Variants in CTCF observed in about 807,000 individuals in gnomAD.
The protein encoded by CTCF is CCCTC-binding factor.
In CTCF, 7 loss-of-function variants were observed where a neutral mutation model predicts 72.3. That is an observed-to-expected ratio of 0.10 (90% CI 0.06 to 0.18). The LOEUF (loss-of-function observed/expected upper bound fraction) is 0.18, where lower values mean the gene tolerates loss of function less well. Ranked by LOEUF, CTCF falls within the 10% of genes least tolerant of loss-of-function variation. CTCF has a pLI of 1.00. For missense variants in CTCF, 516 were observed against 949.1 expected, an observed-to-expected ratio of 0.54 and a Z score of 6.00; for synonymous variants, 374 against 315.8, an observed-to-expected ratio of 1.18 and a Z score of -1.95.
rs1218351487 is a variant in CTCF, at chr16:67,638,289, G to GT, written c.*423dup. 8 of 235,446 alleles carry GT rather than the reference G, an allele frequency of 3.4e-5. No individual in the cohort carries two copies. Among genetic ancestry groups the GT allele is most frequent in the Non-Finnish European group, 6.7e-5 (8 of 119,988 alleles). The allele number at this position is 235,446 out of a possible 1,614,324, so 14.6% of individuals were successfully genotyped here. A position where few individuals can be genotyped will look rare whatever the true frequency, so the allele number is the denominator to read the frequency against. ...TGGGAAGGACTTAGAGTTTTAAACT[G>GT]TTTTTTGCTTTTGCTTTTCCCTGAC... On this transcript the variant is annotated 3_prime_UTR_variant, in exon 12 of 12. Coordinates refer to ENST00000264010, the MANE Select transcript of CTCF (RefSeq NM_006565.4).
At position 67,612,234 on chromosome 16, in the gene CTCF, T is replaced by C. The variant is rs149002380; in HGVS notation, c.952+113T>C. 7 of 913,896 alleles carry C rather than the reference T, an allele frequency of 7.7e-6. No homozygotes were observed. In the South Asian group the frequency reaches 1.2e-4, roughly 15 times the overall value. The allele number at this position is 913,896 out of a possible 1,614,324, so 56.6% of individuals were successfully genotyped here. A position where few individuals can be genotyped will look rare whatever the true frequency, so the allele number is the denominator to read the frequency against. On this transcript the variant is annotated intron_variant, in intron 4 of 11. Coordinates refer to ENST00000264010, the MANE Select transcript of CTCF (RefSeq NM_006565.4). ...TAAAGGAAGTTTTTATTATTTCTTA[T>C]GATGCCCTTTTTGTAATCATGATTT... is the stretch of plus-strand genomic sequence containing the variant.
intron 7 of CTCF, among the ~76,000 whole-genome samples, chr16:67,625,791 T>C (rs2142860493): frequency 6.6e-6 from 1 of 151,606 alleles, no homozygotes; most frequent in Admixed American, 6.6e-5. Context: ...GGTCTAAAAC[T>C]TCTCTGTCCC....
intron 10 of CTCF, among the ~76,000 whole-genome samples, chr16:67,633,501 G>T (rs1180245374): frequency 7.9e-5 from 12 of 152,032 alleles, no homozygotes. Context: ...TGACACATTG[G>T]GTCTAGTACA....
At chr16:67,566,024 T>G (rs1189730170) in intron 1 of CTCF, among the ~76,000 whole-genome samples, 1 of 152,176 alleles carries the variant, frequency 6.6e-6, no homozygotes, top group Non-Finnish European at 1.5e-5. Flanking sequence ...TCATCTACGT[T>G]ATAGACTCCA....
intron 2 of CTCF, among the ~76,000 whole-genome samples, chr16:67,592,300 T>C (rs1227718485): frequency 6.6e-6 from 1 of 151,842 alleles, no homozygotes; most frequent in Non-Finnish European, 1.5e-5. Context: ...TGATCCCAGC[T>C]GCTCAGGAGG....
intron 2 of CTCF, among the ~76,000 whole-genome samples, chr16:67,602,821 A>G (rs2051914199): frequency 6.6e-6 from 1 of 151,064 alleles, no homozygotes; most frequent in Non-Finnish European, 1.5e-5. Context: ...AGCCTAGGCA[A>G]CAAGAGTGAA....
At chr16:67,635,915 C>T (rs1041869316) in intron 10 of CTCF, among the ~76,000 whole-genome samples, 4 of 152,118 alleles carry the variant, frequency 2.6e-5, no homozygotes, top group Admixed American at 1.3e-4. Context: ...TGTGAACCAC[C>T]GTGCCCAGCC....
chr16:67,580,723 G>A (rs1013175458), intron 2 of CTCF, among the ~76,000 whole-genome samples: 5 of 149,286 alleles, frequency 3.3e-5, no homozygotes, highest in South Asian at 2.1e-4. Flanking sequence ...CACCACACTC[G>A]GCTAATTTTG....
At chr16:67,593,732 G>T (rs17686899) in intron 2 of CTCF, among the ~76,000 whole-genome samples, 6,349 of 152,220 alleles carry the variant, frequency 0.042, 139 homozygotes, top group Non-Finnish European at 0.055. Context: ...ATAAGTTGGG[G>T]TTTTTAGCAA....
At chr16:67,579,638 C>A (rs1567594408) in intron 2 of CTCF, among the ~76,000 whole-genome samples, 1 of 152,160 alleles carries the variant, frequency 6.6e-6, no homozygotes, top group Non-Finnish European at 1.5e-5. Context: ...GGCCTCCCAA[C>A]TGCCCAGGCT....
rs1212451619 is a variant in CTCF at position 67,631,171 on chromosome 16, TG to T, written c.1837+1639del. ...CTTTGTTTGTTTTTTTTTTGTTTTT[TG>T]TTTTTTTTTTGAGACAGTGTCTCCC... On this transcript the variant is annotated intron_variant, in intron 10 of 11. Coordinates refer to ENST00000264010, the MANE Select transcript of CTCF (RefSeq NM_006565.4). Among the ~76,000 whole-genome samples, 41 of 141,032 alleles carry T rather than the reference TG, an allele frequency of 2.9e-4. 2 individuals carry two copies. Among genetic ancestry groups the T allele is most frequent in the African/African-American group, 7.9e-4 (30 of 37,834 alleles). 92.5% of individuals were successfully genotyped at this position (141,032 alleles called of 152,430 possible). A position where few individuals can be genotyped will look rare whatever the true frequency, so the allele number is the denominator to read the frequency against.
At chr16:67,622,249 G>A (rs895060506) in intron 7 of CTCF, among the ~76,000 whole-genome samples, 3 of 151,828 alleles carry the variant, frequency 2.0e-5, no homozygotes, top group Non-Finnish European at 4.4e-5. Flanking sequence ...CCAGCTACTC[G>A]GGAGGCTGAG....
At chr16:67,576,179 A>C (rs2051494211) in intron 2 of CTCF, among the ~76,000 whole-genome samples, 1 of 151,010 alleles carries the variant, frequency 6.6e-6, no homozygotes, top group South Asian at 2.1e-4. Flanking sequence ...GCTGTTAACC[A>C]GCAAAATGCT....
Position 67,612,093 on chromosome 16 carries a change from C to T in CTCF, c.924C>T (p.Leu308=), listed in dbSNP as rs1429042169. 1.2e-6 allele frequency: 2 copies of T among 1,614,002 alleles called. No individual in the cohort carries two copies. Among genetic ancestry groups the T allele is most frequent in the Non-Finnish European group, 1.7e-6 (2 of 1,180,032 alleles). The change falls in exon 4 of 12, where the codon CTC becomes CTT. Residue 308 remains leucine, a synonymous_variant. Transcript: ENST00000264010. ...GCAGGGCATTCAGAACAGTCACCCT[C>T]CTGAGGAATCACCTTAACACACACA... ...LCGRAFRTVT[L]LRNHLNTHTG... is the part of the protein sequence containing the mutation.
intron 2 of CTCF, among the ~76,000 whole-genome samples, chr16:67,580,772 A>ATTTTTTTTT (rs781616750): frequency 9.2e-5 from 11 of 120,166 alleles, no homozygotes; most frequent in African/African-American, 2.8e-4. Flanking sequence ...GCCTGGCCAA[A>ATTTTTTTTT]TTTTTTTTTT....
chr16:67,572,980 C>T (rs1478032631), intron 2 of CTCF, among the ~76,000 whole-genome samples: 3 of 125,124 alleles, frequency 2.4e-5, no homozygotes, highest in Non-Finnish European at 4.9e-5. Context: ...AGACTGGGCG[C>T]GGTGGCTCAC....
rs2052332988 is a variant in CTCF at position 67,629,408 on chromosome 16, C to T, written c.1712C>T (p.Ala571Val). 1 of 1,605,816 alleles carries T rather than the reference C, an allele frequency of 6.2e-7. No homozygotes were observed. The highest frequency in any genetic ancestry group is 1.3e-5 in the African/African-American group (1 of 74,434). Residue 571 changes from alanine to valine, a missense_variant, in exon 10 of 12, where the codon GCA (alanine) becomes GTA (valine). By Grantham distance (64) the Ala-to-Val change is moderately conservative. Around this residue, in one of 7 missense-constraint regions of CTCF, gnomAD observed 81 missense variants for 184.3 expected, o/e 0.44. Coordinates refer to ENST00000264010, the MANE Select transcript of CTCF (RefSeq NM_006565.4). ...TGTTCTTTTTGTTAGAATACCATGG[C>T]AAGACATGCTGATAATTGTGCTGGC... Reference protein sequence around the residue: ...GKTFTRRNTMARHADNCAGPD... With the variant: ...GKTFTRRNTMVRHADNCAGPD...
chr16:67,574,853 T>TG, intron 2 of CTCF, among the ~76,000 whole-genome samples: 1 of 150,324 alleles, frequency 6.7e-6, no homozygotes, highest in Non-Finnish European at 1.5e-5. Flanking sequence ...GAGACAGAGT[T>TG]TCACCTTGTC....
At chr16:67,565,668 T>C in intron 1 of CTCF, among the ~76,000 whole-genome samples, 1 of 87,884 alleles carries the variant, frequency 1.1e-5, no homozygotes, top group South Asian at 3.3e-4. Flanking sequence ...GCAAGACTCT[T>C]ATCTCAAAAA....
Sources: gnomAD v4.1 joint callset for allele counts (sites outside exome capture counted in the v4.1 genomes callset) on GRCh38, gnomAD v4.1.1 for gene constraint, gnomAD v4.1.1 regional missense constraint, MANE v1.5 for transcripts, NCBI Gene and HGNC (gene_info 2026-07-23, HGNC 2026-07-21) for gene names.